The following PMM1 variants were observed in gnomAD, a reference collection of about 807,000 sequenced individuals.
PMM1 encodes phosphomannomutase 1.
PMM1 carries 25 observed loss-of-function variants against 34.0 expected under a neutral mutation model. The ratio of observed to expected loss-of-function variants is 0.73; its 90% CI spans 0.54 to 1.03. The LOEUF (loss-of-function observed/expected upper bound fraction) is 1.03. Among genes scored for constraint, PMM1 ranks in the 50% least tolerant of loss-of-function variants. PMM1 has a pLI of 0.00. For missense variants in PMM1, 321 were observed against 350.1 expected (o/e 0.92, Z 0.66); for synonymous variants, 134 against 143.9 (o/e 0.93, Z 0.49).
rs758395507 is a variant in PMM1, at chr22:41,584,622, G to A, written c.206-19C>T. ...TCAATGACTTCAGGGTCACATAGAG[G>A]ACAGGAGGAAGAAAGAGTGTGAGAC... is the stretch of plus-strand genomic sequence containing the variant. On this transcript the variant is annotated intron_variant, in intron 2 of 7. Coordinates refer to ENST00000216259, the MANE Select transcript of PMM1 (RefSeq NM_002676.3). The A allele has an allele frequency of 2.5e-6, 4 of 1,597,734 alleles. No homozygotes were observed. In the East Asian group the frequency reaches 6.7e-5, roughly 27 times the overall value.
chr22:41,577,781 G>A (rs1374209331), intron 7 of PMM1, 27 bp downstream of exon 7: 2 of 1,556,372 alleles, frequency 1.3e-6, no homozygotes, highest in South Asian at 2.2e-5. Context: ...ACTGCGTTAG[G>A]GGAAACCTGG....
At chr22:41,587,214 G>A (rs951591118) in intron 1 of PMM1, among the ~76,000 whole-genome samples, 5 of 151,064 alleles carry the variant, frequency 3.3e-5, no homozygotes, top group Admixed American at 1.3e-4. Context: ...AGCTTGCAGT[G>A]AGCTGAGATC....
intron 1 of PMM1, 106 bp from the exon 2 acceptor site, chr22:41,586,299 G>C: frequency 6.4e-7 from 1 of 1,567,974 alleles, no homozygotes. Flanking sequence ...CATTCTACCT[G>C]GATCTGAAGC....
chr22:41,577,879 G>A lies in PMM1; in HGVS notation c.595C>T (p.Arg199Cys), dbSNP rs181634571. 5.6e-6 allele frequency: 9 copies of A among 1,613,460 alleles called. No homozygotes were observed. Among genetic ancestry groups the A allele is most frequent in the African/African-American group, 1.3e-5 (1 of 75,046 alleles). ...FDVFPEGWDK[R>C]YCLDSLDQDS... ...TGGTCCAGGCTATCCAGGCAGTAGC[G>A]CTTGTCCCAGCCCTCGGGGAAGACG... The change falls in exon 7 of 8, where the codon CGC (arginine) becomes TGC (cysteine). Residue 199 changes from arginine to cysteine, a missense_variant. Physicochemically the swap from Arg to Cys is radical, Grantham distance 180 (BLOSUM62 -3). Coordinates refer to ENST00000216259, the MANE Select transcript of PMM1 (RefSeq NM_002676.3).
chr22:41,582,489 C>T (rs1458545083), intron 5 of PMM1, among the ~76,000 whole-genome samples: 2 of 152,054 alleles, frequency 1.3e-5, no homozygotes, highest in African/African-American at 4.8e-5. Context: ...AAAAAGTATG[C>T]CATGTGCCAA....
Position 41,584,591 on chromosome 22 carries a change from A to G in PMM1, c.218T>C (p.Phe73Ser), listed in dbSNP as rs778413259. The G allele has an allele frequency of 1.2e-6, 2 of 1,613,576 alleles. No individual in the cohort carries two copies. Among genetic ancestry groups the G allele is most frequent in the Admixed American group, 3.3e-5 (2 of 59,970 alleles). Residue 73 changes from phenylalanine to serine, a missense_variant, in exon 3 of 8, where the codon TTT (phenylalanine) becomes TCT (serine). Coordinates refer to ENST00000216259, the MANE Select transcript of PMM1 (RefSeq NM_002676.3). Reference protein sequence around the residue: ...LGDGDEVIEKFDYVFAENGTV... With the variant: ...LGDGDEVIEKSDYVFAENGTV... ...CCCGTTCTCGGCAAACACATAATCA[A>G]ACTTCTCAATGACTTCAGGGTCACA...
chr22:41,577,268 G>T lies in PMM1; in HGVS notation c.*50C>A. 6.2e-7 allele frequency: 1 copy of T among 1,610,398 alleles called. No individual in the cohort carries two copies. ...TATCCAACACCAGGACCTCTCTTTA[G>T]GCCTAGGCCAAACTCTTCAGAAGTC... On this transcript the variant is annotated 3_prime_UTR_variant, in exon 8 of 8. Transcript: ENST00000216259.
intron 5 of PMM1, 98 bp downstream of exon 5, chr22:41,583,861 A>C: frequency 1.2e-6 from 1 of 810,834 alleles, no homozygotes; most frequent in South Asian, 1.4e-5. Flanking sequence ...TTAAATCAGA[A>C]CACATCCCCC....
chr22:41,584,930 G>C (rs2067290927), intron 2 of PMM1: 1 of 251,326 alleles, frequency 4.0e-6, no homozygotes, highest in South Asian at 8.3e-5. Context: ...CTCTGGCAGA[G>C]GGCATCATTT....
chr22:41,587,082 A>G (rs547265041), intron 1 of PMM1, among the ~76,000 whole-genome samples: 27 of 151,896 alleles, frequency 1.8e-4, no homozygotes, highest in Non-Finnish European at 1.8e-4. Context: ...CCTGGCTAAC[A>G]TGGTGAAACC....
rs747183868 is a variant in PMM1, at chr22:41,589,835, C to G, written c.-30G>C. 1 of 1,564,198 alleles carries G rather than the reference C, an allele frequency of 6.4e-7. No homozygotes were observed. Among genetic ancestry groups the G allele is most frequent in the African/African-American group, 1.3e-5 (1 of 74,240 alleles). On this transcript the variant is annotated 5_prime_UTR_variant, in exon 1 of 8. Coordinates refer to ENST00000216259, the MANE Select transcript of PMM1 (RefSeq NM_002676.3). ...GCAGGTCCGCGCGCGGGGCGGAGTC[C>G]CGAAGATGCAACGGCAGAAGCAGCT...
chr22:41,589,753 A>T lies in PMM1; in HGVS notation c.53T>A (p.Phe18Tyr), dbSNP rs976185641. The T allele has an allele frequency of 6.2e-7, 1 of 1,612,018 alleles. No homozygotes were observed. The highest frequency in any genetic ancestry group is 1.3e-5 in the African/African-American group (1 of 74,920). Residue 18 changes from phenylalanine to tyrosine, a missense_variant, in exon 1 of 8, where the codon TTT becomes TAT. Phe to Tyr is a conservative substitution (Grantham distance 22). Coordinates refer to ENST00000216259, the MANE Select transcript of PMM1 (RefSeq NM_002676.3). ...ARRKERVLCL[F>Y]DVDGTLTPAR... ...CGGCGTGAGGGTCCCGTCCACGTCA[A>T]ACAGGCAGAGGACGCGCTCCTTCCT...
rs538274918 is a variant in PMM1 at position 41,582,862 on chromosome 22, G to A, written c.474+1097C>T. 3.9e-5 allele frequency among the ~76,000 whole-genome samples: 6 copies of A among 152,272 alleles called. No homozygotes were observed. The East Asian group carries it at 9.7e-4, about 25-fold the overall frequency. On this transcript the variant is annotated intron_variant, in intron 5 of 7. Transcript: ENST00000216259. Reference sequence around the variant, plus strand: ...GAGAGAATGACAGAATGACGTGGACGGGCCAGCATGGAAAGGTCTGGATGG... The same window carrying A: ...GAGAGAATGACAGAATGACGTGGACAGGCCAGCATGGAAAGGTCTGGATGG...
chr22:41,585,959 A>C, intron 2 of PMM1, 117 bp downstream of exon 2: 1 of 762,356 alleles, frequency 1.3e-6, no homozygotes, highest in Non-Finnish European at 2.2e-6. Flanking sequence ...CAGTAAGGGA[A>C]CTATCTGGCT....
intron 5 of PMM1, among the ~76,000 whole-genome samples, chr22:41,583,005 T>G (rs906116969): frequency 4.0e-5 from 6 of 151,592 alleles, no homozygotes; most frequent in African/African-American, 1.5e-4. Flanking sequence ...GTTCCAGGAA[T>G]AGAAAGTGGA....
At chr22:41,586,962 TAAAAAAAA>T (rs566062876) in intron 1 of PMM1, among the ~76,000 whole-genome samples, 17 of 89,420 alleles carry the variant, frequency 1.9e-4, no homozygotes, top group African/African-American at 6.5e-4. Flanking sequence ...TACTAAAAAT[TAAAAAAAA>T]AAAAAAAAAA....
intron 6 of PMM1, 23 bp downstream of exon 6, chr22:41,578,783 G>A: frequency 6.2e-7 from 1 of 1,607,314 alleles, no homozygotes; most frequent in Non-Finnish European, 8.5e-7. Context: ...AGGCCTCCCA[G>A]GTCCTCTGCA....
At position 41,577,896 on chromosome 22, in the gene PMM1, G is replaced by A. The variant is rs762463536; in HGVS notation, c.578C>T (p.Pro193Leu). ...RGGMISFDVF[P>L]EGWDKRYCLD... ...GCAGTAGCGCTTGTCCCAGCCCTCGGGGAAGACGTCAAAGCTGATCATGCC... is the reference window on the plus strand; with the variant it reads ...GCAGTAGCGCTTGTCCCAGCCCTCGAGGAAGACGTCAAAGCTGATCATGCC... Residue 193 changes from proline to leucine, a missense_variant, in exon 7 of 8, where the codon CCC becomes CTC. Physicochemically the swap from Pro to Leu is moderately conservative, Grantham distance 98. Coordinates refer to ENST00000216259, the MANE Select transcript of PMM1 (RefSeq NM_002676.3). 1.2e-6 allele frequency: 2 copies of A among 1,613,266 alleles called. No homozygotes were observed. Among genetic ancestry groups the A allele is most frequent in the African/African-American group, 1.3e-5 (1 of 74,926 alleles).
In PMM1 at chr22:41,587,441, CAA is replaced by C. The variant is rs56954860; in HGVS notation, c.88-1250_88-1249del. On this transcript the variant is annotated intron_variant, in intron 1 of 7. Coordinates refer to ENST00000216259, the MANE Select transcript of PMM1 (RefSeq NM_002676.3). Reference sequence around the variant, plus strand: ...GGGGACAAGAATGAGATTTCATCTCCAAAAAAAAAAAAAAAAAAAGATATTAG... The same window carrying C: ...GGGGACAAGAATGAGATTTCATCTCCAAAAAAAAAAAAAAAAAGATATTAG... Among the ~76,000 whole-genome samples the C allele has an allele frequency of 2.6e-3, 198 of 76,746 alleles. 1 individual carries two copies. Among genetic ancestry groups the C allele is most frequent in the African/African-American group, 5.3e-3 (117 of 21,924 alleles). 50.3% of individuals were successfully genotyped at this position (76,746 alleles called of 152,430 possible).
Sources: allele counts gnomAD v4.1 joint callset (sites outside exome capture counted in the v4.1 genomes callset), GRCh38; gene constraint gnomAD v4.1.1; transcripts MANE v1.5; gene names NCBI Gene and HGNC (gene_info 2026-07-23, HGNC 2026-07-21).